Variants in ABCA12 observed in about 807,000 individuals in gnomAD.
ABCA12 encodes the protein ATP binding cassette subfamily A member 12.
A neutral mutation model predicts 293.5 loss-of-function variants in ABCA12; 156 were observed. That is an observed-to-expected ratio of 0.53 (90% CI 0.47 to 0.61). The LOEUF is 0.61. ABCA12 is among the 20% of genes least tolerant of loss of function. The pLI, the probability that ABCA12 is intolerant of heterozygous loss-of-function variation, is 0.00. For missense variants in ABCA12, 2,797 were observed against 3,090.2 expected, an observed-to-expected ratio of 0.91 and a Z score of 2.25; for synonymous variants, 1,063 against 1,108.0, an observed-to-expected ratio of 0.96 and a Z score of 0.81.
Position 215,019,721 on chromosome 2 carries a change from G to T in ABCA12, c.1363C>A (p.Leu455Ile). The change falls in exon 12 of 53, where the codon CTC (leucine) becomes ATC (isoleucine). Residue 455 changes from leucine to isoleucine, a missense_variant. Around this residue, in one of 3 missense-constraint regions of ABCA12, gnomAD observed 656 missense variants for 638.2 expected, o/e 1.03. Transcript: ENST00000272895. ...TFSLIEKSCQ[L>I]SDMSFGSLCE... Reference sequence around the variant, plus strand: ...AGGCTCCCAAAGCTCATATCAGAGAGCTGGCATGACTTCTCTATCAAACTG... The same window carrying T: ...AGGCTCCCAAAGCTCATATCAGAGATCTGGCATGACTTCTCTATCAAACTG... The T allele has an allele frequency of 6.2e-7, 1 of 1,614,148 alleles. No individual in the cohort carries two copies. Among genetic ancestry groups the T allele is most frequent in the South Asian group, 1.1e-5 (1 of 91,080 alleles).
intron 1 of ABCA12, among the ~76,000 whole-genome samples, chr2:215,137,491 C>T (rs1288304978): frequency 1.3e-5 from 2 of 152,072 alleles, no homozygotes; most frequent in Non-Finnish European, 2.9e-5. Context: ...AATTAGAACG[C>T]AAACATTAAT....
At chr2:214,993,662 C>T (rs1345599952) in intron 23 of ABCA12, among the ~76,000 whole-genome samples, 2 of 152,130 alleles carry the variant, frequency 1.3e-5, no homozygotes, top group Non-Finnish European at 2.9e-5. Context: ...AAACATATTT[C>T]GTCCCAGTGG....
At chr2:214,958,962 A>G in intron 40 of ABCA12, 62 bp downstream of exon 40, 1 of 1,460,744 alleles carries the variant, frequency 6.8e-7, no homozygotes, top group Non-Finnish European at 9.6e-7. Flanking sequence ...CAATTACAGC[A>G]CTTTATACAA....
At chr2:215,045,651 C>CAGTGTCATCA (rs1321413364) in intron 7 of ABCA12, among the ~76,000 whole-genome samples, 186 bp downstream of exon 7, 1 of 152,170 alleles carries the variant, frequency 6.6e-6, no homozygotes, top group Admixed American at 6.6e-5. Context: ...TTGATGACCA[C>CAGTGTCATCA]AGTGTATGTT....
chr2:215,042,087 C>T (rs1056566770), intron 7 of ABCA12, among the ~76,000 whole-genome samples: 1 of 152,140 alleles, frequency 6.6e-6, no homozygotes, highest in African/African-American at 2.4e-5. Flanking sequence ...TGAATAAGCT[C>T]TAGAGATCTG....
At chr2:215,117,255 A>G (rs1045184956) in intron 1 of ABCA12, among the ~76,000 whole-genome samples, 1 of 152,230 alleles carries the variant, frequency 6.6e-6, no homozygotes, top group African/African-American at 2.4e-5. Context: ...AAGAAACAGA[A>G]AAAGAGATAA....
chr2:214,985,456 T>C (rs1699764648), intron 28 of ABCA12, among the ~76,000 whole-genome samples: 1 of 152,154 alleles, frequency 6.6e-6, no homozygotes, highest in South Asian at 2.1e-4. Flanking sequence ...TAATGGGCAC[T>C]AGGCTTAATA....
chr2:215,107,487 T>C (rs534279494), intron 2 of ABCA12, among the ~76,000 whole-genome samples: 1 of 152,344 alleles, frequency 6.6e-6, no homozygotes, highest in East Asian at 1.9e-4. Context: ...CAAAAGGTTT[T>C]CTTCACCTGG....
intron 39 of ABCA12, chr2:214,962,468 T>C (rs988228553): frequency 6.6e-6 from 1 of 152,182 alleles, no homozygotes; most frequent in Non-Finnish European, 1.5e-5. Flanking sequence ...TGAATGGCAA[T>C]GCTTTTGCCC....
chr2:214,966,448 G>A (rs1699261029), intron 39 of ABCA12, among the ~76,000 whole-genome samples: 2 of 152,116 alleles, frequency 1.3e-5, no homozygotes, highest in African/African-American at 4.8e-5. Flanking sequence ...ACTAACATAT[G>A]TCAAAAAAGA....
At chr2:215,062,445 T>C (rs1701548609) in intron 3 of ABCA12, among the ~76,000 whole-genome samples, 1 of 152,000 alleles carries the variant, frequency 6.6e-6, no homozygotes, top group Non-Finnish European at 1.5e-5. Flanking sequence ...ATAGACAATG[T>C]ATCATGTCAT....
chr2:215,088,221 G>A (rs1225951919), intron 2 of ABCA12, among the ~76,000 whole-genome samples: 4 of 152,194 alleles, frequency 2.6e-5, no homozygotes, highest in Non-Finnish European at 5.9e-5. Flanking sequence ...TAGACTGAAG[G>A]AGCTAAAACA....
chr2:214,986,047 T>C (rs188372507), intron 28 of ABCA12, among the ~76,000 whole-genome samples: 30 of 152,302 alleles, frequency 2.0e-4, no homozygotes, highest in African/African-American at 7.0e-4. Context: ...AGGTTTCCCA[T>C]GAAGGAGCAG....
chr2:215,023,502 A>C (rs1700675275), intron 11 of ABCA12: 1 of 152,168 alleles, frequency 6.6e-6, no homozygotes, highest in African/African-American at 2.4e-5. Context: ...TGATGTTTTA[A>C]ATTATTTTTA....
rs1574948803 is a variant in ABCA12, at chr2:214,966,714, A to T, written c.5884+134T>A. On this transcript the variant is annotated intron_variant, in intron 39 of 52. Coordinates refer to ENST00000272895, the MANE Select transcript of ABCA12 (RefSeq NM_173076.3). ...ATCTGGCGATAGTTACTACTTCTAA[A>T]CTCCTTTTAAAGACCTGTGATTTAG... 1.0e-5 allele frequency: 8 copies of T among 792,118 alleles called. No homozygotes were observed. In the East Asian group the frequency reaches 2.1e-4, roughly 21 times the overall value. 49.1% of individuals were successfully genotyped at this position (792,118 alleles called of 1,614,324 possible).
intron 7 of ABCA12, among the ~76,000 whole-genome samples, chr2:215,045,128 A>G (rs1457343988): frequency 2.0e-5 from 3 of 152,298 alleles, no homozygotes; most frequent in Middle Eastern, 3.4e-3. Flanking sequence ...TTAATAATCG[A>G]ACATCATTGA....
intron 14 of ABCA12, among the ~76,000 whole-genome samples, chr2:215,016,903 T>G (rs1320327385): frequency 2.0e-5 from 3 of 152,144 alleles, no homozygotes; most frequent in Non-Finnish European, 4.4e-5. Context: ...TTTCACTCTT[T>G]CCTCTTGAAA....
chr2:215,105,898 A>T (rs1052677054), intron 2 of ABCA12, among the ~76,000 whole-genome samples: 1 of 152,164 alleles, frequency 6.6e-6, no homozygotes, highest in African/African-American at 2.4e-5. Context: ...AAGACAAATG[A>T]TGATGAATTC....
chr2:215,062,347 TA>T (rs908933004), intron 3 of ABCA12, among the ~76,000 whole-genome samples: 3 of 152,106 alleles, frequency 2.0e-5, no homozygotes, highest in African/African-American at 7.2e-5. Context: ...GAATAGACAC[TA>T]GCTGGCAGTG....
Sources: gnomAD v4.1 joint callset for allele counts (sites outside exome capture counted in the v4.1 genomes callset) on GRCh38, gnomAD v4.1.1 for gene constraint, gnomAD v4.1.1 regional missense constraint, MANE v1.5 for transcripts, NCBI Gene and HGNC (gene_info 2026-07-23, HGNC 2026-07-21) for gene names.